Variants in BICRA observed in about 807,000 individuals in gnomAD.
BICRA encodes BRD4-interacting chromatin-remodeling complex-associated protein.
In BICRA, 31 loss-of-function variants were observed where a neutral mutation model predicts 96.9. The observed-to-expected ratio is 0.32, with a 90% CI of 0.24 to 0.43. BICRA has a LOEUF of 0.43. Ranked by LOEUF, BICRA falls within the 20% of genes least tolerant of loss-of-function variation. The pLI is 1.00. For synonymous variants in BICRA, 1,350 were observed against 1,071.8 expected, an observed-to-expected ratio of 1.26 and a Z score of -5.07; for missense variants, 2,283 against 2,190.3, an observed-to-expected ratio of 1.04 and a Z score of -0.84.
At chr19:47,653,015 C>CT (rs869230602) in intron 1 of BICRA, among the ~76,000 whole-genome samples, 9,962 of 113,602 alleles carry the variant, frequency 0.088, 1,205 homozygotes, top group African/African-American at 0.27. Flanking sequence ...CGTCCTCATT[C>CT]TTTTTTTTTT....
At chr19:47,611,633 G>A (rs1971908822) in intron 1 of BICRA, among the ~76,000 whole-genome samples, 1 of 152,212 alleles carries the variant, frequency 6.6e-6, no homozygotes, top group Non-Finnish European at 1.5e-5. Context: ...ATGGCCCTTT[G>A]ATGCAGCTAG....
At chr19:47,620,034 G>T (rs182142772) in intron 1 of BICRA, among the ~76,000 whole-genome samples, 13 of 152,172 alleles carry the variant, frequency 8.5e-5, no homozygotes, top group Admixed American at 1.3e-4. Context: ...ATTTCACAGA[G>T]GGGGAGTCCT....
Position 47,695,056 on chromosome 19 carries a change from G to A in BICRA, c.3052G>A (p.Ala1018Thr), listed in dbSNP as rs1336008568. ...GTPTAPSHAP[A>T]PAPMAATGLP... Reference sequence around the variant, plus strand: ...CCCCACTGCCCCCAGCCACGCCCCCGCCCCGGCACCCATGGCCGCCACAGG... The same window carrying A: ...CCCCACTGCCCCCAGCCACGCCCCCACCCCGGCACCCATGGCCGCCACAGG... The change falls in exon 9 of 15, where the codon GCC (alanine) becomes ACC (threonine). Residue 1018 changes from alanine (A) to threonine (T), a missense_variant. Physicochemically the swap from Ala to Thr is moderately conservative, Grantham distance 58. Coordinates refer to ENST00000594866, the MANE Select transcript of BICRA (RefSeq NM_001394372.1). The A allele has an allele frequency of 8.7e-6, 13 of 1,496,624 alleles. No homozygotes were observed. Among genetic ancestry groups the A allele is most frequent in the South Asian group, 3.8e-5 (3 of 78,702 alleles). 92.7% of individuals were successfully genotyped at this position (1,496,624 alleles called of 1,614,324 possible).
At chr19:47,610,020 C>T (rs569726858) in intron 1 of BICRA, among the ~76,000 whole-genome samples, 6 of 152,292 alleles carry the variant, frequency 3.9e-5, no homozygotes, top group Admixed American at 2.0e-4. Context: ...GGCCCCCCAT[C>T]TCCTACCCCT....
intron 1 of BICRA, among the ~76,000 whole-genome samples, chr19:47,660,692 G>GTT (rs1972691195): frequency 6.6e-6 from 1 of 152,202 alleles, no homozygotes; most frequent in Non-Finnish European, 1.5e-5. Context: ...TGGGGAACCT[G>GTT]TTGTAGTACA....
At chr19:47,692,331 A>G (rs1455218129) in intron 7 of BICRA, among the ~76,000 whole-genome samples, 4 of 152,044 alleles carry the variant, frequency 2.6e-5, no homozygotes, top group Non-Finnish European at 4.4e-5. Context: ...GGTTCAAGCA[A>G]TTCTCCAGCC....
chr19:47,650,874 G>A (rs1232402992), intron 1 of BICRA, among the ~76,000 whole-genome samples: 2 of 152,088 alleles, frequency 1.3e-5, no homozygotes, highest in Non-Finnish European at 2.9e-5. Flanking sequence ...GACACCATCC[G>A]CCCAGCCCGC....
rs779651964 is a variant in BICRA at position 47,680,291 on chromosome 19, C to T, written c.1121C>T (p.Ala374Val). The T allele has an allele frequency of 3.2e-6, 5 of 1,555,376 alleles. No homozygotes were observed. Among genetic ancestry groups the T allele is most frequent in the African/African-American group, 1.4e-5 (1 of 73,246 alleles). ...CTGACGCCCAAGCCGTTTGCGCCCG[C>T]GGGCGCCACGCTCACCATCCAGGGC... ...YQLTPKPFAP[A>V]GATLTIQGEP... Residue 374 changes from alanine (A) to valine (V), a missense_variant, in exon 6 of 15, where the codon GCG becomes GTG. Physicochemically the swap from Ala to Val is moderately conservative, Grantham distance 64. Transcript: ENST00000594866.
chr19:47,699,295 C>A lies in BICRA; in HGVS notation c.3493-8C>A. On this transcript the variant is annotated splice_region_variant and splice_polypyrimidine_tract_variant and intron_variant, in intron 13 of 14. Coordinates refer to ENST00000594866, the MANE Select transcript of BICRA (RefSeq NM_001394372.1). This position sits in a 1 kb window ranked among gnomAD's most constrained non-coding sequence, Gnocchi z 5.0. ...TTCACTCGCACGTCGTCTTTTCCCC[C>A]ACCCCAGAGGGTGAGCCCCTCAGCG... is the stretch of plus-strand genomic sequence containing the variant. 1.3e-6 allele frequency: 2 copies of A among 1,526,222 alleles called. No individual in the cohort carries two copies. The highest frequency in any genetic ancestry group is 8.9e-7 in the Non-Finnish European group (1 of 1,122,118). The allele number at this position is 1,526,222 out of a possible 1,614,324, so 94.5% of individuals were successfully genotyped here.
chr19:47,685,436 G>C (rs760976445), intron 7 of BICRA, among the ~76,000 whole-genome samples: 7 of 152,204 alleles, frequency 4.6e-5, no homozygotes, highest in Non-Finnish European at 1.0e-4. Context: ...ATGACAGAAG[G>C]TGGTCAGTGA....
upstream of BICRA, among the ~76,000 whole-genome samples, chr19:47,608,823 G>T (rs1971847307): frequency 6.6e-6 from 1 of 151,072 alleles, no homozygotes; most frequent in Non-Finnish European, 1.5e-5. Context: ...CTCCTCCGGC[G>T]AGGGCGGAGG....
intron 7 of BICRA, among the ~76,000 whole-genome samples, chr19:47,687,995 C>G (rs2123598635): frequency 6.6e-6 from 1 of 152,206 alleles, no homozygotes; most frequent in Non-Finnish European, 1.5e-5. Flanking sequence ...TCACTTGGTC[C>G]TGCAGCTTTA....
Position 47,701,914 on chromosome 19 carries a change from C to G in BICRA, c.4182C>G (p.Asn1394Lys). Residue 1394 changes from asparagine (N) to lysine (K), a missense_variant, in exon 15 of 15, where the codon AAC becomes AAG. Asn to Lys is a moderately conservative substitution (Grantham distance 94). Coordinates refer to ENST00000594866, the MANE Select transcript of BICRA (RefSeq NM_001394372.1). The surrounding 1 kb of genome is among the most constrained non-coding windows in gnomAD (Gnocchi z 5.4). ...RLPLRKTYRE[N>K]VGGPGAPEGT... is the part of the protein sequence containing the mutation. ...CACTGCGCAAGACCTACCGCGAGAACGTGGGGGGCCCTGGCGCGCCGGAGG... is the reference window on the plus strand; with the variant it reads ...CACTGCGCAAGACCTACCGCGAGAAGGTGGGGGGCCCTGGCGCGCCGGAGG... 7.0e-7 allele frequency: 1 copy of G among 1,437,068 alleles called. No individual in the cohort carries two copies. The allele number at this position is 1,437,068 out of a possible 1,614,324, so 89.0% of individuals were successfully genotyped here.
At chr19:47,655,123 C>T (rs761883823) in intron 1 of BICRA, among the ~76,000 whole-genome samples, 2 of 152,164 alleles carry the variant, frequency 1.3e-5, no homozygotes, top group South Asian at 2.1e-4. Flanking sequence ...AGTCAAGCAA[C>T]GCCACACCCT....
intron 1 of BICRA, among the ~76,000 whole-genome samples, chr19:47,610,759 T>C (rs1178830650): frequency 2.6e-5 from 4 of 152,142 alleles, no homozygotes; most frequent in African/African-American, 9.7e-5. Context: ...ATAAGCTCTC[T>C]GTGCTTTTAA....
intron 1 of BICRA, among the ~76,000 whole-genome samples, chr19:47,642,792 C>T (rs1158665528): frequency 2.0e-5 from 3 of 152,226 alleles, no homozygotes; most frequent in Non-Finnish European, 4.4e-5. Context: ...GATAAGCATT[C>T]CAGTTGCCCC....
intron 1 of BICRA, among the ~76,000 whole-genome samples, chr19:47,652,651 A>G (rs541656100): frequency 4.6e-5 from 7 of 152,248 alleles, no homozygotes; most frequent in African/African-American, 1.7e-4. Flanking sequence ...AGTTGACTTG[A>G]CCACTGATGG....
chr19:47,633,953 G>T (rs1972261199), intron 1 of BICRA, among the ~76,000 whole-genome samples: 3 of 152,188 alleles, frequency 2.0e-5, no homozygotes, highest in Non-Finnish European at 2.9e-5. Context: ...CCCCTCCAAA[G>T]CCTGAAAAAC....
intron 1 of BICRA, among the ~76,000 whole-genome samples, chr19:47,652,899 C>T (rs1341113515): frequency 6.6e-6 from 1 of 152,016 alleles, no homozygotes. Flanking sequence ...ATGTCTCCTT[C>T]ACCCTTTTCT....
Sources: gnomAD v4.1 joint callset for allele counts (sites outside exome capture counted in the v4.1 genomes callset) on GRCh38, gnomAD v4.1.1 for gene constraint, Gnocchi (gnomAD v3.1) non-coding constraint, MANE v1.5 for transcripts, NCBI Gene and HGNC (gene_info 2026-07-23, HGNC 2026-07-21) for gene names.